Variants in SLC7A8 observed in about 807,000 individuals in gnomAD.
SLC7A8 encodes the protein large neutral amino acids transporter small subunit 2.
SLC7A8 carries 30 observed loss-of-function variants against 51.2 expected under a neutral mutation model. The ratio of observed to expected loss-of-function variants is 0.59; its 90% CI spans 0.44 to 0.80. The LOEUF (loss-of-function observed/expected upper bound fraction) is 0.80, where lower values mean the gene tolerates loss of function less well. Among genes scored for constraint, SLC7A8 ranks in the 30% least tolerant of loss-of-function variants. SLC7A8 has a pLI of 0.00. For synonymous variants in SLC7A8, 257 were observed against 275.8 expected, an observed-to-expected ratio of 0.93 and a Z score of 0.67; for missense variants, 612 against 674.4, an observed-to-expected ratio of 0.91 and a Z score of 1.03.
intron 3 of SLC7A8, among the ~76,000 whole-genome samples, chr14:23,147,892 A>G (rs2048811821): frequency 1.3e-5 from 2 of 152,216 alleles, no homozygotes; most frequent in African/African-American, 4.8e-5. Flanking sequence ...CCAGCTGCCA[A>G]GCAGGAGAGA....
intron 3 of SLC7A8, among the ~76,000 whole-genome samples, chr14:23,145,762 G>A (rs2048788828): frequency 6.6e-6 from 1 of 152,018 alleles, no homozygotes; most frequent in African/African-American, 2.4e-5. Flanking sequence ...CCATCAAAAG[G>A]AGACACAATC....
intron 3 of SLC7A8, among the ~76,000 whole-genome samples, chr14:23,159,401 G>T (rs886833132): frequency 6.6e-6 from 1 of 152,180 alleles, no homozygotes; most frequent in Non-Finnish European, 1.5e-5. Context: ...ATGGAGTCTT[G>T]GATATATGGG....
chr14:23,125,836 T>C lies in SLC7A8; in HGVS notation c.*1341A>G, dbSNP rs1408652756. 3 of 152,594 alleles carry C rather than the reference T, an allele frequency of 2.0e-5. No individual in the cohort carries two copies. Among genetic ancestry groups the C allele is most frequent in the African/African-American group, 7.2e-5 (3 of 41,432 alleles). The allele number at this position is 152,594 out of a possible 1,614,324, so 9.5% of individuals were successfully genotyped here. On this transcript the variant is annotated 3_prime_UTR_variant, in exon 11 of 11. Transcript: ENST00000316902. ...GAAGGTTGCAGGGCCCACAGCAAAC[T>C]CCATAGCCTTCCTTTGAAGCCCAGG...
rs998719162 is a variant in SLC7A8 at position 23,129,652 on chromosome 14, T to C, written c.1261A>G (p.Lys421Glu). ...WKKPDIPRPIKINLLFPIIYL... is the reference protein window; with the variant it reads ...WKKPDIPRPIEINLLFPIIYL... ...ACCCCAAAGGGAGTTTCTCTCACCT[T>C]GATGGGGCGGGGGATATCAGGCTTC... Residue 421 changes from lysine (K) to glutamate (E), a missense_variant and splice_region_variant, in exon 9 of 11, where the codon AAG becomes GAG. Coordinates refer to ENST00000316902, the MANE Select transcript of SLC7A8 (RefSeq NM_012244.4). The C allele has an allele frequency of 6.2e-7, 1 of 1,613,844 alleles. No individual in the cohort carries two copies. The highest frequency in any genetic ancestry group is 1.7e-5 in the Admixed American group (1 of 59,974).
chr14:23,162,040 C>CAAAAA (rs148599755), intron 3 of SLC7A8, among the ~76,000 whole-genome samples: 16 of 123,736 alleles, frequency 1.3e-4, no homozygotes, highest in African/African-American at 3.7e-4. Flanking sequence ...CCATAAAATT[C>CAAAAA]AAAAAAAGAA....
intron 10 of SLC7A8, 111 bp downstream of exon 10, chr14:23,127,905 TGAG>T (rs1444190347): frequency 2.3e-6 from 2 of 885,616 alleles, no homozygotes; most frequent in African/African-American, 1.7e-5. Flanking sequence ...CTCTGTGGAC[TGAG>T]GAGAAGGTGA....
At chr14:23,180,123 G>C (rs997964321) in intron 1 of SLC7A8, among the ~76,000 whole-genome samples, 1 of 152,058 alleles carries the variant, frequency 6.6e-6, no homozygotes, top group South Asian at 2.1e-4. Flanking sequence ...AGCCAGGATG[G>C]TCTTGATCTC....
intron 3 of SLC7A8, among the ~76,000 whole-genome samples, chr14:23,159,890 GA>G (rs1389957664): frequency 3.3e-5 from 5 of 152,190 alleles, no homozygotes; most frequent in Non-Finnish European, 5.9e-5. Context: ...AACAAGATTA[GA>G]AGCATTTTTT....
At chr14:23,177,942 C>T (rs574521899) in intron 1 of SLC7A8, among the ~76,000 whole-genome samples, 1 of 152,268 alleles carries the variant, frequency 6.6e-6, no homozygotes, top group African/African-American at 2.4e-5. Flanking sequence ...GAAAATACTC[C>T]TTTAGGAGAT....
At chr14:23,156,951 C>A (rs2048897227) in intron 3 of SLC7A8, among the ~76,000 whole-genome samples, 1 of 152,212 alleles carries the variant, frequency 6.6e-6, no homozygotes, top group East Asian at 1.9e-4. Context: ...GCAGTTGAAG[C>A]ACATTGAAAC....
At chr14:23,137,227 C>T (rs114002882) in intron 7 of SLC7A8, among the ~76,000 whole-genome samples, 1,625 of 152,302 alleles carry the variant, frequency 0.011, 26 homozygotes, top group African/African-American at 0.036. Flanking sequence ...TGGACCCGCT[C>T]GCACTTCTGG....
At chr14:23,160,168 CT>C (rs1204944151) in intron 3 of SLC7A8, among the ~76,000 whole-genome samples, 3 of 152,184 alleles carry the variant, frequency 2.0e-5, no homozygotes, top group African/African-American at 7.2e-5. Context: ...AGATGGAAGC[CT>C]GGGAAAGGGT....
At chr14:23,158,166 G>T (rs192916198) in intron 3 of SLC7A8, among the ~76,000 whole-genome samples, 62 of 152,312 alleles carry the variant, frequency 4.1e-4, no homozygotes, top group African/African-American at 1.4e-3. Context: ...CCCATCATGG[G>T]CACTGATAAG....
At chr14:23,140,150 C>T (rs890956506) in intron 5 of SLC7A8, among the ~76,000 whole-genome samples, 2 of 152,172 alleles carry the variant, frequency 1.3e-5, no homozygotes, top group African/African-American at 4.8e-5. Context: ...ACACCAAGAC[C>T]GGCCTGTCCT....
intron 3 of SLC7A8, among the ~76,000 whole-genome samples, chr14:23,158,431 C>T (rs553936731): frequency 3.0e-4 from 46 of 152,234 alleles, no homozygotes; most frequent in African/African-American, 9.9e-4. Context: ...CTGCAACCTC[C>T]GCCTCCTGGG....
At chr14:23,130,500 T>C (rs2048622089) in intron 8 of SLC7A8, among the ~76,000 whole-genome samples, 1 of 152,218 alleles carries the variant, frequency 6.6e-6, no homozygotes. Flanking sequence ...TGAGATCCGA[T>C]GGTTAAAATA....
At chr14:23,167,830 G>A (rs10145863) in intron 1 of SLC7A8, among the ~76,000 whole-genome samples, 15,277 of 152,094 alleles carry the variant, frequency 0.1, 911 homozygotes, top group African/African-American at 0.14. Flanking sequence ...TCAAGCCTCC[G>A]TGATCTCTCT....
intron 1 of SLC7A8, among the ~76,000 whole-genome samples, chr14:23,176,509 G>A (rs10132368): frequency 0.13 from 20,533 of 152,144 alleles, 1,724 homozygotes; most frequent in East Asian, 0.46. Context: ...TATCAGTGGT[G>A]TGACCCTAGG....
At chr14:23,162,704 C>T (rs1196251654) in intron 3 of SLC7A8, among the ~76,000 whole-genome samples, 1 of 152,098 alleles carries the variant, frequency 6.6e-6, no homozygotes. Context: ...AGAGTTTGGA[C>T]CTTTCTGGTC....
Sources: allele counts gnomAD v4.1 joint callset (sites outside exome capture counted in the v4.1 genomes callset), GRCh38; gene constraint gnomAD v4.1.1; transcripts MANE v1.5; gene names NCBI Gene and HGNC (gene_info 2026-07-23, HGNC 2026-07-21).